ADAMTS12: variants seen among roughly 807,000 people sequenced by gnomAD.
ADAMTS12 encodes ADAM metallopeptidase with thrombospondin type 1 motif 12, also known as A disintegrin and metalloproteinase with thrombospondin motifs 12.
Under a neutral mutation model 167.8 loss-of-function variants are expected in ADAMTS12, and 118 were observed. The ratio of observed to expected loss-of-function variants is 0.70; its 90% confidence interval spans 0.61 to 0.82. ADAMTS12 has a LOEUF of 0.82. ADAMTS12 is among the 40% of genes least tolerant of loss of function. The pLI is 0.00. For missense variants in ADAMTS12, 1,916 were observed against 1,998.8 expected, an observed-to-expected ratio of 0.96 and a Z score of 0.79; for synonymous variants, 704 against 716.9, an observed-to-expected ratio of 0.98 and a Z score of 0.29.
chr5:33,739,598 T>A (rs1199834527), intron 3 of ADAMTS12, among the ~76,000 whole-genome samples: 3 of 152,164 alleles, frequency 2.0e-5, no homozygotes, highest in Non-Finnish European at 4.4e-5. Flanking sequence ...CCGACAGATA[T>A]TAGGGATCTT....
intron 2 of ADAMTS12, among the ~76,000 whole-genome samples, chr5:33,794,014 T>G (rs1168292234): frequency 6.6e-6 from 1 of 152,168 alleles, no homozygotes; most frequent in African/African-American, 2.4e-5. Flanking sequence ...TACCCCCTGC[T>G]CCTCTGCCCA....
intron 2 of ADAMTS12, among the ~76,000 whole-genome samples, chr5:33,795,726 T>C (rs1429965085): frequency 6.6e-6 from 1 of 152,096 alleles, no homozygotes; most frequent in African/African-American, 2.4e-5. Context: ...TCAGCCCAAA[T>C]GTGGAGGGTT....
chr5:33,612,345 T>C (rs1222839586), intron 16 of ADAMTS12, among the ~76,000 whole-genome samples: 2 of 152,230 alleles, frequency 1.3e-5, no homozygotes, highest in African/African-American at 2.4e-5. Flanking sequence ...AATGTCCAAT[T>C]TCCTAGCTGA....
intron 2 of ADAMTS12, among the ~76,000 whole-genome samples, chr5:33,761,543 T>C (rs1351660507): frequency 1.3e-5 from 2 of 152,190 alleles, no homozygotes; most frequent in Non-Finnish European, 2.9e-5. Flanking sequence ...TCGAGTGAGA[T>C]GTTAGAGACA....
intron 10 of ADAMTS12, among the ~76,000 whole-genome samples, chr5:33,642,910 GAT>G (rs889966325): frequency 6.6e-6 from 1 of 152,144 alleles, no homozygotes; most frequent in African/African-American, 2.4e-5. Flanking sequence ...TGTGGTGTCT[GAT>G]TTGCCTGCTT....
At chr5:33,673,116 C>A (rs1741776095) in intron 5 of ADAMTS12, among the ~76,000 whole-genome samples, 1 of 152,110 alleles carries the variant, frequency 6.6e-6, no homozygotes, top group African/African-American at 2.4e-5. Flanking sequence ...AAGCAGATAA[C>A]CTCTTCTTTC....
chr5:33,866,563 A>G (rs1749830535), intron 2 of ADAMTS12, among the ~76,000 whole-genome samples: 2 of 152,220 alleles, frequency 1.3e-5, no homozygotes, highest in Non-Finnish European at 2.9e-5. Context: ...AGGACCCCAA[A>G]AGCAAATGCA....
intron 2 of ADAMTS12, among the ~76,000 whole-genome samples, chr5:33,850,614 T>C (rs982439557): frequency 6.6e-6 from 1 of 152,318 alleles, no homozygotes; most frequent in Middle Eastern, 3.4e-3. Context: ...CCACCATCCA[T>C]GTCCACAGCA....
intron 5 of ADAMTS12, 147 bp from the exon 6 acceptor site, chr5:33,662,187 A>C: frequency 3.1e-6 from 3 of 962,520 alleles, no homozygotes; most frequent in Non-Finnish European, 4.6e-6. Context: ...GCAGAGGCCA[A>C]CTGACTCCTC....
chr5:33,561,402 A>G (rs563177918), intron 19 of ADAMTS12, among the ~76,000 whole-genome samples: 1 of 152,364 alleles, frequency 6.6e-6, no homozygotes, highest in Admixed American at 6.5e-5. Flanking sequence ...TCCCCAGCTT[A>G]TTTTAAAAAA....
At chr5:33,582,916 G>A (rs1320027980) in intron 18 of ADAMTS12, among the ~76,000 whole-genome samples, 1 of 152,222 alleles carries the variant, frequency 6.6e-6, no homozygotes, top group Non-Finnish European at 1.5e-5. Context: ...AAACAGGCAT[G>A]CAATGTGAAA....
intron 3 of ADAMTS12, among the ~76,000 whole-genome samples, chr5:33,729,173 C>A (rs1579881500): frequency 1.3e-5 from 2 of 152,278 alleles, no homozygotes; most frequent in East Asian, 3.9e-4. Context: ...TAAACTGGGA[C>A]ACAATAACAT....
chr5:33,865,446 G>A (rs1309301733), intron 2 of ADAMTS12, among the ~76,000 whole-genome samples: 1 of 151,896 alleles, frequency 6.6e-6, no homozygotes. Context: ...CTCAACAAAC[G>A]AGGCATAGAA....
At chr5:33,827,720 TAGA>T (rs1748138412) in intron 2 of ADAMTS12, among the ~76,000 whole-genome samples, 1 of 122,948 alleles carries the variant, frequency 8.1e-6, no homozygotes. Context: ...AATAGATAGA[TAGA>T]TAGATAGATA....
intron 2 of ADAMTS12, among the ~76,000 whole-genome samples, chr5:33,777,648 T>C (rs1452805185): frequency 6.6e-6 from 1 of 152,138 alleles, no homozygotes; most frequent in Non-Finnish European, 1.5e-5. Flanking sequence ...ACCATTTCTA[T>C]TAAATATGGT....
At chr5:33,779,471 C>A (rs1746041105) in intron 2 of ADAMTS12, among the ~76,000 whole-genome samples, 1 of 152,174 alleles carries the variant, frequency 6.6e-6, no homozygotes, top group African/African-American at 2.4e-5. Flanking sequence ...CAGGCATGAG[C>A]CGTCGCATTT....
At chr5:33,822,967 C>T (rs1318015361) in intron 2 of ADAMTS12, among the ~76,000 whole-genome samples, 1 of 151,616 alleles carries the variant, frequency 6.6e-6, no homozygotes, top group Non-Finnish European at 1.5e-5. Context: ...TGGTGCACAC[C>T]ATAGTCCCAG....
At chr5:33,790,819 A>G (rs1746535514) in intron 2 of ADAMTS12, among the ~76,000 whole-genome samples, 1 of 148,770 alleles carries the variant, frequency 6.7e-6, no homozygotes, top group South Asian at 2.1e-4. Flanking sequence ...ATGCATGTTG[A>G]TATATATATG....
At chr5:33,781,573 C>CATATCAGAT (rs1218787151) in intron 2 of ADAMTS12, among the ~76,000 whole-genome samples, 32 of 152,264 alleles carry the variant, frequency 2.1e-4, no homozygotes, top group Admixed American at 1.2e-3. Context: ...GCAGCAGCTG[C>CATATCAGAT]ATATCAGATA....
Sources: allele counts gnomAD v4.1 joint callset (sites outside exome capture counted in the v4.1 genomes callset), GRCh38; gene constraint gnomAD v4.1.1; transcripts MANE v1.5; gene names NCBI Gene and HGNC (gene_info 2026-07-23, HGNC 2026-07-21).